RBFOX1: variants seen among roughly 807,000 people sequenced by gnomAD.
The protein encoded by RBFOX1 is RNA binding protein fox-1 homolog 1.
RBFOX1 carries 8 observed loss-of-function variants against 57.7 expected under a neutral mutation model. That is an observed-to-expected ratio of 0.14 (90% CI 0.08 to 0.25). The LOEUF is 0.25. RBFOX1 is among the 10% of genes least tolerant of loss of function. The probability of loss-of-function intolerance (pLI) is 1.00; values close to 1 mark genes in which losing one functional copy is unlikely to be tolerated. For missense variants in RBFOX1, 611 were observed against 548.5 expected (o/e 1.11, Z -1.14); for synonymous variants, 326 against 222.4 (o/e 1.47, Z -4.15).
intron 13 of RBFOX1, among the ~76,000 whole-genome samples, chr16:7,676,174 CTT>C (rs1338783528): frequency 6.6e-6 from 1 of 152,130 alleles, no homozygotes; most frequent in Non-Finnish European, 1.5e-5. Context: ...CATGTGATAT[CTT>C]TGGCCAAAAA....
chr16:6,326,381 C>T (rs969747178), intron 2 of RBFOX1, among the ~76,000 whole-genome samples: 1 of 152,152 alleles, frequency 6.6e-6, no homozygotes, highest in Admixed American at 6.5e-5. Context: ...GATTAACTAT[C>T]ACAGACTAGC....
intron 2 of RBFOX1, among the ~76,000 whole-genome samples, chr16:5,485,846 C>G (rs1597257732): frequency 6.6e-6 from 1 of 152,164 alleles, no homozygotes; most frequent in East Asian, 1.9e-4. Flanking sequence ...TAATCAGGTT[C>G]CTTCTCTGTT....
At chr16:7,500,018 C>G (rs9938389) in intron 4 of RBFOX1, among the ~76,000 whole-genome samples, 1 of 152,106 alleles carries the variant, frequency 6.6e-6, no homozygotes, top group African/African-American at 2.4e-5. Flanking sequence ...CATGCAAAAC[C>G]TCTTCTTCCT....
At chr16:5,422,754 AAG>A (rs2067382234) in intron 1 of RBFOX1, among the ~76,000 whole-genome samples, 1 of 117,274 alleles carries the variant, frequency 8.5e-6, no homozygotes, top group African/African-American at 3.3e-5. Context: ...ATGGGGAGGA[AAG>A]AGGAAGAAGA....
intron 3 of RBFOX1, among the ~76,000 whole-genome samples, chr16:6,868,584 G>C (rs2060334596): frequency 6.6e-6 from 1 of 152,058 alleles, no homozygotes; most frequent in East Asian, 1.9e-4. Flanking sequence ...CAATTCTCCT[G>C]CTTTAGCGTC....
At chr16:6,861,612 G>T (rs892075583) in intron 3 of RBFOX1, among the ~76,000 whole-genome samples, 1 of 151,442 alleles carries the variant, frequency 6.6e-6, no homozygotes, top group African/African-American at 2.4e-5. Flanking sequence ...CCAGTAAACA[G>T]CCTCTACATT....
At chr16:5,352,361 T>C (rs2065280819) in intron 1 of RBFOX1, among the ~76,000 whole-genome samples, 1 of 152,196 alleles carries the variant, frequency 6.6e-6, no homozygotes, top group Non-Finnish European at 1.5e-5. Flanking sequence ...GTATCTTTAC[T>C]CTCAACTTTT....
chr16:6,132,224 C>G (rs1331328352), intron 1 of RBFOX1, among the ~76,000 whole-genome samples: 1 of 152,188 alleles, frequency 6.6e-6, no homozygotes, highest in Non-Finnish European at 1.5e-5. Context: ...GCAGCAACAG[C>G]AATGCTCAGC....
At chr16:6,281,982 CGTTT>C (rs1264173582) in intron 1 of RBFOX1, among the ~76,000 whole-genome samples, 1 of 151,942 alleles carries the variant, frequency 6.6e-6, no homozygotes, top group African/African-American at 2.4e-5. Context: ...AACGGGTGAG[CGTTT>C]GTTATTGGGC....
chr16:5,482,346 C>T (rs561081937), intron 2 of RBFOX1, among the ~76,000 whole-genome samples: 1 of 152,092 alleles, frequency 6.6e-6, no homozygotes, highest in Non-Finnish European at 1.5e-5. Context: ...GAGACTTTGC[C>T]TTCCAGCCCA....
intron 1 of RBFOX1, among the ~76,000 whole-genome samples, chr16:6,141,174 C>G (rs1215971130): frequency 6.6e-6 from 1 of 152,226 alleles, no homozygotes; most frequent in African/African-American, 2.4e-5. Context: ...CCTGCAGTAC[C>G]TTAGCCCATC....
At chr16:6,247,934 G>A (rs571717469) in intron 1 of RBFOX1, among the ~76,000 whole-genome samples, 1 of 152,142 alleles carries the variant, frequency 6.6e-6, no homozygotes, top group African/African-American at 2.4e-5. Flanking sequence ...CTGGTTAATG[G>A]CTCTGGGATC....
chr16:6,000,692 G>A (rs1363551753), intron 4 of RBFOX1, among the ~76,000 whole-genome samples: 1 of 151,876 alleles, frequency 6.6e-6, no homozygotes, highest in African/African-American at 2.4e-5. Context: ...TAGGTGGATG[G>A]GTGGATGAGT....
At chr16:5,427,647 G>C (rs1294153750) in intron 1 of RBFOX1, among the ~76,000 whole-genome samples, 8 of 152,074 alleles carry the variant, frequency 5.3e-5, no homozygotes, top group African/African-American at 9.6e-5. Flanking sequence ...AAGGTAGTTG[G>C]ACAGGCTGGA....
chr16:7,234,777 G>C (rs1049684331), intron 4 of RBFOX1, among the ~76,000 whole-genome samples: 7 of 151,698 alleles, frequency 4.6e-5, no homozygotes, highest in African/African-American at 1.5e-4. Context: ...ATGGGTAATA[G>C]ACTACATTCA....
intron 4 of RBFOX1, among the ~76,000 whole-genome samples, chr16:7,377,377 C>T (rs772736799): frequency 1.3e-5 from 2 of 152,148 alleles, no homozygotes; most frequent in African/African-American, 4.8e-5. Flanking sequence ...AGAACCAGGC[C>T]TGTTTACCTT....
chr16:6,939,387 G>A (rs2077939614), intron 3 of RBFOX1, among the ~76,000 whole-genome samples: 2 of 151,612 alleles, frequency 1.3e-5, no homozygotes, highest in Admixed American at 1.3e-4. Flanking sequence ...ATGTGTATGT[G>A]TGTGTGTGTG....
intron 4 of RBFOX1, among the ~76,000 whole-genome samples, chr16:7,094,777 G>GTGTGTGTGTGTGTGTGTGTGT (rs1567232668): frequency 1.9e-5 from 1 of 53,602 alleles, no homozygotes; most frequent in South Asian, 6.7e-4. Flanking sequence ...TGTGTGTGTG[G>GTGTGTGTGTGTGTGTGTGTGT]GTGTGTGTGT....
intron 4 of RBFOX1, among the ~76,000 whole-genome samples, chr16:7,120,828 TATACACACACAC>T (rs1269597510): frequency 0.011 from 360 of 32,582 alleles, 4 homozygotes; most frequent in Non-Finnish European, 0.016. Context: ...TATATGTATA[TATACACACACAC>T]ACACACACAC....
Sources: allele counts gnomAD v4.1 joint callset (sites outside exome capture counted in the v4.1 genomes callset), GRCh38; gene constraint gnomAD v4.1.1; transcripts MANE v1.5; gene names NCBI Gene and HGNC (gene_info 2026-07-23, HGNC 2026-07-21).